NRXN1: variants seen among roughly 807,000 people sequenced by gnomAD.
The protein encoded by NRXN1 is neurexin-1.
Under a neutral mutation model 150.9 loss-of-function variants are expected in NRXN1, and 39 were observed. The observed-to-expected ratio is 0.26, with a 90% confidence interval of 0.20 to 0.34. NRXN1 has a LOEUF of 0.34. Ranked by LOEUF, NRXN1 falls within the 10% of genes least tolerant of loss-of-function variation. The probability of loss-of-function intolerance (pLI) is 1.00; values close to 1 mark genes in which losing one functional copy is unlikely to be tolerated. For synonymous variants in NRXN1, 924 were observed against 757.0 expected, an observed-to-expected ratio of 1.22 and a Z score of -3.62; for missense variants, 1,815 against 1,949.9, an observed-to-expected ratio of 0.93 and a Z score of 1.30.
intron 5 of NRXN1, among the ~76,000 whole-genome samples, chr2:50,856,801 G>A (rs540218961): frequency 7.2e-5 from 11 of 152,120 alleles, no homozygotes; most frequent in Admixed American, 6.5e-4. Flanking sequence ...CAGAACAATG[G>A]TTTACAAGTT....
At chr2:50,721,430 G>T (rs376518949) in intron 5 of NRXN1, among the ~76,000 whole-genome samples, 92 of 152,274 alleles carry the variant, frequency 6.0e-4, no homozygotes, top group African/African-American at 2.1e-3. Context: ...CAAATATGTA[G>T]CATACAGATT....
At chr2:49,973,955 CAGA>C in intron 21 of NRXN1, 1 of 717,010 alleles carries the variant, frequency 1.4e-6, no homozygotes, top group South Asian at 1.5e-5. Context: ...GCGGCTGTGA[CAGA>C]AGAAGCTACC....
intron 17 of NRXN1, among the ~76,000 whole-genome samples, chr2:50,398,899 G>A (rs116806890): frequency 0.015 from 2,229 of 152,178 alleles, 54 homozygotes; most frequent in African/African-American, 0.049. Context: ...GCAGTCATTT[G>A]TTTCTATTGA....
At chr2:50,286,044 C>A (rs1027256154) in intron 17 of NRXN1, among the ~76,000 whole-genome samples, 2 of 152,080 alleles carry the variant, frequency 1.3e-5, no homozygotes, top group African/African-American at 4.8e-5. Flanking sequence ...GTGTTTAACA[C>A]ATACAACATA....
intron 5 of NRXN1, among the ~76,000 whole-genome samples, chr2:50,677,858 G>A: frequency 6.6e-6 from 1 of 151,872 alleles, no homozygotes; most frequent in East Asian, 1.9e-4. Flanking sequence ...AACCACAAGA[G>A]GCATATTAGT....
chr2:50,459,792 C>T (rs901493621), intron 17 of NRXN1, among the ~76,000 whole-genome samples: 1 of 151,976 alleles, frequency 6.6e-6, no homozygotes, highest in Non-Finnish European at 1.5e-5. Flanking sequence ...TCAGTTTGTT[C>T]ACACGGGCTT....
intron 2 of NRXN1, among the ~76,000 whole-genome samples, chr2:51,020,718 G>T (rs1374105081): frequency 6.6e-6 from 1 of 151,930 alleles, no homozygotes; most frequent in Non-Finnish European, 1.5e-5. Flanking sequence ...AAATGAAACA[G>T]AACATTGATG....
intron 5 of NRXN1, among the ~76,000 whole-genome samples, chr2:50,727,868 A>G (rs995071969): frequency 2.0e-5 from 3 of 152,100 alleles, no homozygotes; most frequent in African/African-American, 7.2e-5. Context: ...GTTGGGCTGA[A>G]ATCCTCATCC....
chr2:50,049,724 T>C (rs1255529029), intron 21 of NRXN1, among the ~76,000 whole-genome samples: 1 of 152,158 alleles, frequency 6.6e-6, no homozygotes, highest in Admixed American at 6.6e-5. Flanking sequence ...GTCCTCTTCA[T>C]GTTGGCTTAC....
chr2:50,415,666 G>C (rs565827421), intron 17 of NRXN1, among the ~76,000 whole-genome samples: 15 of 152,144 alleles, frequency 9.9e-5, no homozygotes, highest in African/African-American at 3.4e-4. Flanking sequence ...CATAAAATCA[G>C]CTAGGGTATA....
intron 5 of NRXN1, among the ~76,000 whole-genome samples, chr2:50,691,242 G>A (rs1309873480): frequency 6.6e-6 from 1 of 152,084 alleles, no homozygotes; most frequent in African/African-American, 2.4e-5. Flanking sequence ...AATAAAGGAG[G>A]TATCTGACAT....
chr2:50,338,420 C>G (rs150783179), intron 17 of NRXN1, among the ~76,000 whole-genome samples: 1 of 152,052 alleles, frequency 6.6e-6, no homozygotes, highest in Non-Finnish European at 1.5e-5. Context: ...TCAAATGGTG[C>G]CCTGAAAACC....
intron 19 of NRXN1, among the ~76,000 whole-genome samples, chr2:50,077,555 T>C (rs1697298243): frequency 6.6e-6 from 1 of 152,070 alleles, no homozygotes; most frequent in African/African-American, 2.4e-5. Context: ...ACCTGAGCAA[T>C]AAAAATAATA....
chr2:50,482,386 TA>T (rs969742359), intron 15 of NRXN1, among the ~76,000 whole-genome samples: 1 of 152,128 alleles, frequency 6.6e-6, no homozygotes, highest in Non-Finnish European at 1.5e-5. Context: ...TACCTTTAGG[TA>T]AAAATTGGGT....
chr2:50,384,450 G>A (rs1255016839), intron 17 of NRXN1, among the ~76,000 whole-genome samples: 2 of 140,512 alleles, frequency 1.4e-5, no homozygotes, highest in African/African-American at 5.2e-5. Flanking sequence ...AGGTTGCAGT[G>A]AGCCAGGATC....
At chr2:50,314,912 C>A (rs1335877254) in intron 17 of NRXN1, among the ~76,000 whole-genome samples, 1 of 151,956 alleles carries the variant, frequency 6.6e-6, no homozygotes, top group African/African-American at 2.4e-5. Context: ...GTGTTAAAGG[C>A]AGGTGATCTC....
chr2:50,704,278 T>C (rs1219344332), intron 5 of NRXN1, among the ~76,000 whole-genome samples: 1 of 152,064 alleles, frequency 6.6e-6, no homozygotes, highest in Non-Finnish European at 1.5e-5. Context: ...CTCTTGCTGG[T>C]TCACAATTGG....
intron 17 of NRXN1, among the ~76,000 whole-genome samples, chr2:50,352,756 A>AATAATAATAATAATAATAATATT (rs1188063045): frequency 2.5e-5 from 2 of 78,612 alleles, no homozygotes; most frequent in Non-Finnish European, 5.2e-5. Context: ...GAGCATTGAT[A>AATAATAATAATAATAATAATATT]ATAATAATAA....
At chr2:50,797,406 G>A (rs1247328347) in intron 5 of NRXN1, among the ~76,000 whole-genome samples, 1 of 152,050 alleles carries the variant, frequency 6.6e-6, no homozygotes, top group Admixed American at 6.6e-5. Flanking sequence ...AGATGGAGGG[G>A]AGGAGGAACT....
Sources: allele counts gnomAD v4.1 joint callset (sites outside exome capture counted in the v4.1 genomes callset), GRCh38; gene constraint gnomAD v4.1.1; transcripts MANE v1.5; gene names NCBI Gene and HGNC (gene_info 2026-07-23, HGNC 2026-07-21).